The following ST18 variants were observed in gnomAD, a reference collection of about 807,000 sequenced individuals.
ST18 encodes the protein suppression of tumorigenicity 18 protein.
A neutral mutation model predicts 110.0 loss-of-function variants in ST18; 50 were observed. That is an observed-to-expected ratio of 0.45 (90% CI 0.36 to 0.58). ST18 has a LOEUF of 0.58. Among genes scored for constraint, ST18 ranks in the 20% least tolerant of loss-of-function variants. ST18 has a pLI of 0.00. For missense variants in ST18, 1,306 were observed against 1,280.1 expected, an observed-to-expected ratio of 1.02 and a Z score of -0.31; for synonymous variants, 461 against 452.4, an observed-to-expected ratio of 1.02 and a Z score of -0.24.
chr8:52,388,051 T>C (rs976758367), intron 2 of ST18, among the ~76,000 whole-genome samples: 5 of 148,944 alleles, frequency 3.4e-5, no homozygotes, highest in African/African-American at 1.2e-4. Flanking sequence ...GGGAGAGAGA[T>C]GAAATGATTC....
intron 8 of ST18, among the ~76,000 whole-genome samples, chr8:52,211,555 C>G (rs750976098): frequency 6.6e-6 from 1 of 152,008 alleles, no homozygotes; most frequent in Non-Finnish European, 1.5e-5. Flanking sequence ...TATAGGCACA[C>G]GCCACCATGC....
chr8:52,370,105 T>C (rs1829711042), intron 2 of ST18, among the ~76,000 whole-genome samples: 1 of 152,122 alleles, frequency 6.6e-6, no homozygotes, highest in African/African-American at 2.4e-5. Context: ...AACTACATTG[T>C]AAATAAAACC....
intron 9 of ST18, among the ~76,000 whole-genome samples, chr8:52,173,620 G>A (rs1355948994): frequency 6.6e-6 from 1 of 152,092 alleles, no homozygotes; most frequent in Non-Finnish European, 1.5e-5. Flanking sequence ...TCCAGCCCAG[G>A]CCCAGGCACG....
At chr8:52,382,499 A>T (rs1834935454) in intron 2 of ST18, among the ~76,000 whole-genome samples, 1 of 152,250 alleles carries the variant, frequency 6.6e-6, no homozygotes, top group Admixed American at 6.5e-5. Context: ...CAAGTGATTG[A>T]CTTTGTAGTG....
At chr8:52,213,651 A>G (rs1431049614) in intron 7 of ST18, among the ~76,000 whole-genome samples, 14 of 152,206 alleles carry the variant, frequency 9.2e-5, no homozygotes, top group Admixed American at 4.6e-4. Context: ...TTATATTTCA[A>G]TATTACATTA....
intron 22 of ST18, among the ~76,000 whole-genome samples, chr8:52,129,515 T>C (rs1231136629): frequency 6.6e-6 from 1 of 150,604 alleles, no homozygotes; most frequent in Non-Finnish European, 1.5e-5. Context: ...CATTCCACCT[T>C]AAAGAGAATA....
chr8:52,223,025 CG>C (rs2136458261), intron 3 of ST18, among the ~76,000 whole-genome samples: 1 of 152,268 alleles, frequency 6.6e-6, no homozygotes, highest in African/African-American at 2.4e-5. Flanking sequence ...AGTAACCTAA[CG>C]GGCTACCCAA....
At chr8:52,231,034 G>A (rs897765967) in intron 2 of ST18, among the ~76,000 whole-genome samples, 5 of 152,088 alleles carry the variant, frequency 3.3e-5, no homozygotes, top group African/African-American at 9.7e-5. Context: ...AGCATTGCTC[G>A]TACATGAAAA....
At chr8:52,249,298 A>T (rs2094106642) in intron 2 of ST18, 1 of 152,272 alleles carries the variant, frequency 6.6e-6, no homozygotes, top group Non-Finnish European at 1.5e-5. Flanking sequence ...TTTCAGCCCC[A>T]CGGTTAGGCT....
chr8:52,166,276 G>A (rs764489220), intron 11 of ST18, among the ~76,000 whole-genome samples: 8 of 152,204 alleles, frequency 5.3e-5, no homozygotes, highest in Non-Finnish European at 8.8e-5. Context: ...AATTCCCAGA[G>A]AGAATGAACA....
chr8:52,288,424 G>C (rs1188522190), intron 2 of ST18, among the ~76,000 whole-genome samples: 1 of 152,090 alleles, frequency 6.6e-6, no homozygotes, highest in African/African-American at 2.4e-5. Context: ...TAATAGGCTG[G>C]GCATAGTACT....
At chr8:52,392,469 G>A (rs867693852) in intron 2 of ST18, among the ~76,000 whole-genome samples, 1 of 152,170 alleles carries the variant, frequency 6.6e-6, no homozygotes. Flanking sequence ...AAGAGCTTAA[G>A]AATAGGGAAG....
chr8:52,179,201 A>G (rs766398211), intron 9 of ST18, among the ~76,000 whole-genome samples: 2 of 152,154 alleles, frequency 1.3e-5, no homozygotes, highest in Non-Finnish European at 2.9e-5. Context: ...GAGTTTTTGC[A>G]TGTCCCTCAG....
At chr8:52,323,507 TCTC>T (rs916109643) in intron 2 of ST18, among the ~76,000 whole-genome samples, 3 of 152,146 alleles carry the variant, frequency 2.0e-5, no homozygotes, top group Non-Finnish European at 2.9e-5. Context: ...AAGCTTCCCT[TCTC>T]CTGCTGGGCT....
chr8:52,374,807 G>A (rs1421608901), intron 2 of ST18, among the ~76,000 whole-genome samples: 1 of 152,144 alleles, frequency 6.6e-6, no homozygotes, highest in Non-Finnish European at 1.5e-5. Flanking sequence ...TCCTGCAATA[G>A]TTTGCTGAGG....
At chr8:52,223,999 C>T (rs1215556311) in intron 3 of ST18, among the ~76,000 whole-genome samples, 2 of 152,104 alleles carry the variant, frequency 1.3e-5, no homozygotes, top group African/African-American at 2.4e-5. Context: ...ATTGCTATCC[C>T]TTGAGAACCT....
chr8:52,283,707 G>A lies in ST18; in HGVS notation c.-464-53630C>T, dbSNP rs185851510. Among the ~76,000 whole-genome samples the A allele has an allele frequency of 2.8e-3, 433 of 152,236 alleles. 2 individuals are homozygous for A. The highest frequency in any genetic ancestry group is 5.0e-3 in the Admixed American group (77 of 15,294). ...TTCACAGGGGCAGTTTCTTTGCATGGAGCAGTGGCCTTTGAGAGGAGTACT... is the reference window on the plus strand; with the variant it reads ...TTCACAGGGGCAGTTTCTTTGCATGAAGCAGTGGCCTTTGAGAGGAGTACT... On this transcript the variant is annotated intron_variant, in intron 2 of 25. Coordinates refer to ENST00000689386, the MANE Select transcript of ST18 (RefSeq NM_001352837.2).
chr8:52,166,077 G>A (rs1384755305), intron 11 of ST18, among the ~76,000 whole-genome samples: 1 of 152,200 alleles, frequency 6.6e-6, no homozygotes, highest in East Asian at 1.9e-4. Flanking sequence ...GAGGAGGCCA[G>A]GAGGACCATG....
intron 17 of ST18, among the ~76,000 whole-genome samples, chr8:52,139,947 A>G (rs1428649874): frequency 1.3e-5 from 2 of 152,208 alleles, no homozygotes; most frequent in Non-Finnish European, 2.9e-5. Flanking sequence ...TAGTTGGGTG[A>G]TACATTTGTT....
Sources: allele counts gnomAD v4.1 joint callset (sites outside exome capture counted in the v4.1 genomes callset), GRCh38; gene constraint gnomAD v4.1.1; transcripts MANE v1.5; gene names NCBI Gene and HGNC (gene_info 2026-07-23, HGNC 2026-07-21).